MSN: variants seen among roughly 807,000 people sequenced by gnomAD.
The protein encoded by MSN is moesin.
A neutral mutation model predicts 48.0 loss-of-function variants in MSN; 2 were observed. That is an observed-to-expected ratio of 0.04 (90% CI 0.02 to 0.13). The LOEUF is 0.13. Ranked by LOEUF, MSN falls within the 10% of genes least tolerant of loss-of-function variation. The pLI is 1.00. For missense variants in MSN, 267 were observed against 470.1 expected (o/e 0.57, Z 3.99); for synonymous variants, 146 against 166.9 (o/e 0.87, Z 0.97).
intron 1 of MSN, among the ~76,000 whole-genome samples, chrX:65,649,575 CAAA>C (rs1232547930): frequency 1.3e-5 from 1 of 78,118 alleles, no homozygotes. Flanking sequence ...GACTCTATCT[CAAA>C]AAAAAAAAAA....
At chrX:65,738,469 C>T (rs1466518609) in intron 10 of MSN, 56 bp from the exon 11 acceptor site, 3 of 1,093,153 alleles carry the variant, frequency 2.7e-6, no homozygotes, top group Non-Finnish European at 3.7e-6. Context: ...GTTGAAGACA[C>T]CTGGGTCCTG....
chrX:65,657,635 T>A, intron 1 of MSN, among the ~76,000 whole-genome samples: 1 of 112,118 alleles, frequency 8.9e-6, no homozygotes, highest in East Asian at 2.8e-4. Context: ...GGTCCATTAG[T>A]GTGATTAATA....
intron 2 of MSN, among the ~76,000 whole-genome samples, chrX:65,720,720 CCTGGAACGCAGCAGTCAT>C (rs1357144088): frequency 3.6e-5 from 4 of 111,811 alleles, no homozygotes; most frequent in Non-Finnish European, 7.5e-5. Flanking sequence ...TTATGGCCAT[CCTGGAACGCAGCAGTCAT>C]CTGGCCAATG....
At chrX:65,619,097 C>A (rs1429597108) in intron 1 of MSN, among the ~76,000 whole-genome samples, 1,471 of 100,120 alleles carry the variant, frequency 0.015, 12 homozygotes, top group Middle Eastern at 0.029. Context: ...TGATGGGCTT[C>A]CCTTTGAGGG....
rs191004567 is a variant in MSN, at chrX:65,631,413, G to A, written c.-22+42801G>A. Among the ~76,000 whole-genome samples the A allele has an allele frequency of 3.1e-3, 338 of 110,655 alleles. 1 individual carries two copies. Among genetic ancestry groups the A allele is most frequent in the African/African-American group, 0.011 (323 of 30,428 alleles). ...CCAGCCCCCTACATCCTTCTTAACC[G>A]CTGACAACCACTATTCTGTTTTCCA... is the stretch of plus-strand genomic sequence containing the variant. On this transcript the variant is annotated intron_variant, in intron 1 of 3. Coordinates refer to the MSN transcript ENST00000609672.
In MSN at chrX:65,692,981, A is replaced by G. The variant is rs1217500968; in HGVS notation, c.13-23837A>G. On this transcript the variant is annotated intron_variant, in intron 1 of 12. Coordinates refer to ENST00000360270, the MANE Select transcript of MSN (RefSeq NM_002444.3). ...GAAAAAAGAATATGTAACCAAGACTATAAGTGGCTTACAGAGACAGTTTGC... is the reference window on the plus strand; with the variant it reads ...GAAAAAAGAATATGTAACCAAGACTGTAAGTGGCTTACAGAGACAGTTTGC... Among the ~76,000 whole-genome samples, 3 of 112,454 alleles carry G rather than the reference A, an allele frequency of 2.7e-5. No individual in the cohort carries two copies. In the Admixed American group the frequency reaches 2.8e-4, roughly 11 times the overall value.
chrX:65,667,885 A>G (rs770929873), intron 1 of MSN, 32 bp downstream of exon 1: 77 of 1,194,570 alleles, frequency 6.4e-5, no homozygotes, highest in Non-Finnish European at 8.7e-5. Flanking sequence ...TGTCGACCCC[A>G]ATGGCTCTGG....
chrX:65,606,274 G>A (rs1466807888), intron 1 of MSN, among the ~76,000 whole-genome samples: 6 of 108,466 alleles, frequency 5.5e-5, no homozygotes, highest in South Asian at 4.1e-4. Context: ...GATTACAGGC[G>A]CCCACCACCA....
chrX:65,616,192 C>G (rs928447397), intron 1 of MSN, among the ~76,000 whole-genome samples: 2 of 110,856 alleles, frequency 1.8e-5, no homozygotes, highest in African/African-American at 6.6e-5. Context: ...GATGTGGGCT[C>G]TTTTTTGGTT....
Position 65,729,689 on chromosome X carries a change from C to T in MSN, c.444C>T (p.Ala148=), listed in dbSNP as rs368950777. The change falls in exon 4 of 13, where the codon GCC becomes GCT. Residue 148 remains alanine (A), a synonymous_variant. Transcript: ENST00000360270. ...NKEVHKSGYL[A]GDKLLPQRVL... is the part of the protein sequence containing the mutation. ...AAGTGCATAAGTCTGGCTACCTGGC[C>T]GGAGACAAGTTGCTCCCGCAGAGGT... The T allele has an allele frequency of 7.2e-5, 87 of 1,209,353 alleles. 1 individual carries two copies. Among genetic ancestry groups the T allele is most frequent in the African/African-American group, 6.3e-4 (36 of 57,321 alleles).
chrX:65,633,280 C>A (rs773085221), intron 1 of MSN, among the ~76,000 whole-genome samples: 75 of 111,737 alleles, frequency 6.7e-4, no homozygotes, highest in African/African-American at 2.1e-3. Flanking sequence ...TCAGAAATTT[C>A]TGCCCAGATG....
chrX:65,590,741 C>A lies in MSN; in HGVS notation c.-22+2129C>A, dbSNP rs565816533. Among the ~76,000 whole-genome samples the A allele has an allele frequency of 1.3e-4, 14 of 110,473 alleles. No individual in the cohort carries two copies. The Middle Eastern group carries it at 0.014, about 109-fold the overall frequency. ...GTGTACCCTGGGCATCTTCTTCCAGCAGACGGAAGTCCAGCTGGATTACTT... is the reference window on the plus strand; with the variant it reads ...GTGTACCCTGGGCATCTTCTTCCAGAAGACGGAAGTCCAGCTGGATTACTT... On this transcript the variant is annotated intron_variant, in intron 1 of 3. Coordinates refer to the MSN transcript ENST00000609672.
chrX:65,632,249 G>T (rs1437235316), intron 1 of MSN, among the ~76,000 whole-genome samples: 1 of 111,564 alleles, frequency 9.0e-6, no homozygotes, highest in African/African-American at 3.3e-5. Flanking sequence ...TTATAAAAGG[G>T]GAAGTTTGGC....
chrX:65,730,019 A>G (rs2071607523), intron 4 of MSN, among the ~76,000 whole-genome samples: 1 of 111,868 alleles, frequency 8.9e-6, no homozygotes, highest in Non-Finnish European at 1.9e-5. Context: ...CCCTGGTTCC[A>G]TTTTCTCAGT....
intron 1 of MSN, among the ~76,000 whole-genome samples, chrX:65,703,944 C>T (rs749850224): frequency 1.8e-5 from 2 of 111,968 alleles, no homozygotes; most frequent in South Asian, 3.7e-4. Context: ...CTGGCTTCAG[C>T]AGTTTTAACA....
At chrX:65,728,895 T>A (rs937058126) in intron 3 of MSN, among the ~76,000 whole-genome samples, 1 of 111,408 alleles carries the variant, frequency 9.0e-6, no homozygotes, top group African/African-American at 3.3e-5. Context: ...GCTTCTCTGA[T>A]TGTGTCTAGG....
chrX:65,652,060 C>T (rs916704588), intron 1 of MSN, among the ~76,000 whole-genome samples: 7 of 108,685 alleles, frequency 6.4e-5, no homozygotes, highest in African/African-American at 2.0e-4. Flanking sequence ...AGACCAGCCT[C>T]TACTTTCATC....
chrX:65,621,720 G>A (rs777568775), intron 1 of MSN, among the ~76,000 whole-genome samples: 13 of 112,021 alleles, frequency 1.2e-4, no homozygotes, highest in Non-Finnish European at 2.1e-4. Context: ...ATTTGAGATA[G>A]TATTGTGTTT....
chrX:65,637,883 C>T (rs774655345), intron 1 of MSN, among the ~76,000 whole-genome samples: 6 of 111,039 alleles, frequency 5.4e-5, no homozygotes, highest in South Asian at 3.8e-4. Flanking sequence ...ACATTTGCAA[C>T]GTCCTCCACA....
Sources: allele counts gnomAD v4.1 joint callset (sites outside exome capture counted in the v4.1 genomes callset), GRCh38; gene constraint gnomAD v4.1.1; transcripts MANE v1.5; gene names NCBI Gene and HGNC (gene_info 2026-07-23, HGNC 2026-07-21).